The following SPATA1 variants were observed in gnomAD, a reference collection of about 807,000 sequenced individuals.
SPATA1 encodes spermatogenesis associated 1.
A neutral mutation model predicts 59.6 loss-of-function variants in SPATA1; 57 were observed. The ratio of observed to expected loss-of-function variants is 0.96; its 90% CI spans 0.77 to 1.19. SPATA1 has a LOEUF of 1.19. Among genes scored for constraint, SPATA1 ranks in the 50% most tolerant of loss-of-function variants. The pLI is 0.00. For synonymous variants in SPATA1, 147 were observed against 163.9 expected (o/e 0.90, Z 0.79); for missense variants, 448 against 480.7 (o/e 0.93, Z 0.64).
At chr1:84,526,967 T>C (rs950978438) in intron 6 of SPATA1, among the ~76,000 whole-genome samples, 3 of 146,736 alleles carry the variant, frequency 2.0e-5, no homozygotes, top group African/African-American at 2.5e-5. Context: ...TAAGAATCAA[T>C]AGGAAAAAAA....
chr1:84,520,524 C>T, intron 2 of SPATA1, 61 bp from the exon 3 acceptor site: 2 of 872,878 alleles, frequency 2.3e-6, no homozygotes, highest in Non-Finnish European at 3.1e-6. Context: ...TATAGGACAT[C>T]AATTGATTTT....
chr1:84,554,947 A>G (rs183916139), downstream of SPATA1: 176 of 1,414,870 alleles, frequency 1.2e-4, no homozygotes, highest in East Asian at 2.3e-3. Flanking sequence ...AAGAAACTAG[A>G]TCTGTTGATA....
intron 10 of SPATA1, 33 bp from the exon 11 acceptor site, chr1:84,548,753 T>C (rs1402831681): frequency 1.8e-3 from 172 of 96,530 alleles, no homozygotes; most frequent in Non-Finnish European, 2.1e-3. Flanking sequence ...GCCTTTCCTT[T>C]TTTTTTTTTT....
chr1:84,525,588 T>C, intron 4 of SPATA1, 108 bp from the exon 5 acceptor site: 1 of 847,666 alleles, frequency 1.2e-6, no homozygotes, highest in Non-Finnish European at 1.8e-6. Context: ...TTAAATTTGA[T>C]TTTTATATTT....
chr1:84,544,236 A>ACC lies in SPATA1; in HGVS notation c.754_755dup (p.Ser253LeufsTer13). The ACC allele has an allele frequency of 6.2e-7, 1 of 1,601,004 alleles. No homozygotes were observed. Among genetic ancestry groups the ACC allele is most frequent in the Non-Finnish European group, 8.5e-7 (1 of 1,173,002 alleles). On this transcript the variant is annotated frameshift_variant, in exon 9 of 13. Coordinates refer to ENST00000490879, the Ensembl canonical transcript of SPATA1. LOFTEE classifies it high-confidence loss of function. ...AAAGAGTACATCACCCTACCAGATC[A>ACC]CCCTTCACTTCCTTGTCAACCTGTT... is the stretch of plus-strand genomic sequence containing the variant.
chr1:84,560,573 C>A lies in SPATA1; in HGVS notation n.442+4594C>A, dbSNP rs72950341. Among the ~76,000 whole-genome samples, 5 of 152,222 alleles carry A rather than the reference C, an allele frequency of 3.3e-5. No individual in the cohort carries two copies. In the East Asian group the frequency reaches 7.7e-4, roughly 24 times the overall value. On this transcript the variant is annotated intron_variant and non_coding_transcript_variant, in intron 4 of 4. Coordinates refer to the SPATA1 transcript ENST00000460286. Reference sequence around the variant, plus strand: ...TCAAACACATTTTAAAAGGCAGAGACCCCTTTCTTCAAATAAATCTTATAT... The same window carrying A: ...TCAAACACATTTTAAAAGGCAGAGAACCCTTTCTTCAAATAAATCTTATAT...
downstream of SPATA1, among the ~76,000 whole-genome samples, chr1:84,556,977 T>TA (rs931226195): frequency 6.6e-6 from 1 of 152,196 alleles, no homozygotes; most frequent in African/African-American, 2.4e-5. Flanking sequence ...CAAAGACATA[T>TA]ACCTTTGAAT....
intron 4 of SPATA1, among the ~76,000 whole-genome samples, chr1:84,560,398 C>G (rs79504184): frequency 2.7e-4 from 41 of 152,304 alleles, no homozygotes; most frequent in African/African-American, 9.9e-4. Context: ...TTTTCCCACT[C>G]AGTCTGTTTG....
intron 2 of SPATA1, among the ~76,000 whole-genome samples, chr1:84,516,794 C>A (rs538171466): frequency 6.6e-6 from 1 of 152,298 alleles, no homozygotes; most frequent in African/African-American, 2.4e-5. Context: ...TCCACCTATT[C>A]TGTACCTACA....
chr1:84,563,975 C>CA, intron 4 of SPATA1: 1 of 936,614 alleles, frequency 1.1e-6, no homozygotes, highest in Non-Finnish European at 1.4e-6. Context: ...TGTTATAAAA[C>CA]ATCCCTTAAG....
intron 7 of SPATA1, among the ~76,000 whole-genome samples, chr1:84,533,428 C>G (rs1273666884): frequency 6.6e-6 from 1 of 151,874 alleles, no homozygotes; most frequent in Non-Finnish European, 1.5e-5. Context: ...GAACAATAAA[C>G]AAATATGTTT....
intron 4 of SPATA1, among the ~76,000 whole-genome samples, chr1:84,564,937 G>A (rs1684663829): frequency 1.3e-5 from 2 of 152,156 alleles, no homozygotes; most frequent in Admixed American, 1.3e-4. Flanking sequence ...TACTCAGGGG[G>A]CTGAGGTTGG....
At chr1:84,516,285 A>G in exon 2 of SPATA1, 1 of 1,279,646 alleles carries the variant, frequency 7.8e-7, no homozygotes, top group Non-Finnish European at 1.1e-6. Flanking sequence ...TTTATTTAGT[A>G]CTACTTAAAT....
At chr1:84,554,749 A>C, downstream of SPATA1, 1 of 330,130 alleles carries the variant, frequency 3.0e-6, no homozygotes, top group South Asian at 7.3e-5. Context: ...TTTCCCAATT[A>C]AATTATAGTG....
chr1:84,545,708 G>A, exon 10 of SPATA1: 1 of 1,534,514 alleles, frequency 6.5e-7, no homozygotes, highest in African/African-American at 1.4e-5. Flanking sequence ...AGAAGAACTA[G>A]TAAAAACGGT....
chr1:84,544,952 C>T (rs528316923), intron 9 of SPATA1, among the ~76,000 whole-genome samples: 3 of 151,618 alleles, frequency 2.0e-5, no homozygotes, highest in African/African-American at 7.3e-5. Flanking sequence ...TGGCTCATGC[C>T]TGTAATCCCA....
At chr1:84,553,074 A>G in exon 13 of SPATA1, 1 of 1,531,792 alleles carries the variant, frequency 6.5e-7, no homozygotes. Flanking sequence ...AACATTGAAA[A>G]CTGAACTGGC....
chr1:84,556,710 CAAAA>C (rs11417377), downstream of SPATA1, among the ~76,000 whole-genome samples: 2 of 93,486 alleles, frequency 2.1e-5, no homozygotes. Context: ...GACTCCGTCT[CAAAA>C]AAAAAAAAAA....
At chr1:84,526,210 G>A in intron 6 of SPATA1, 137 bp downstream of exon 6, 1 of 651,750 alleles carries the variant, frequency 1.5e-6, no homozygotes, top group South Asian at 3.4e-5. Flanking sequence ...TTCCACTTGG[G>A]GATTTCTAAA....
Sources: allele counts gnomAD v4.1 joint callset (sites outside exome capture counted in the v4.1 genomes callset), GRCh38; gene constraint gnomAD v4.1.1; transcripts MANE v1.5; gene names NCBI Gene and HGNC (gene_info 2026-07-23, HGNC 2026-07-21).